Variants in TRAPPC4 observed in about 807,000 individuals in gnomAD.
The protein encoded by TRAPPC4 is trafficking protein particle complex subunit 4.
TRAPPC4 carries 30 observed loss-of-function variants against 23.5 expected under a neutral mutation model. That is an observed-to-expected ratio of 1.28 (90% confidence interval 0.96 to 1.73). TRAPPC4 has a LOEUF of 1.73. TRAPPC4 is among the 40% of genes most tolerant of loss of function. The pLI, the probability that TRAPPC4 is intolerant of heterozygous loss-of-function variation, is 0.00. For synonymous variants in TRAPPC4, 129 were observed against 105.3 expected, an observed-to-expected ratio of 1.23 and a Z score of -1.38; for missense variants, 252 against 268.9, an observed-to-expected ratio of 0.94 and a Z score of 0.44.
At position 119,019,189 on chromosome 11, in the gene TRAPPC4, G is replaced by A. The variant is rs782379570; in HGVS notation, c.222G>A (p.Arg74=). 18 of 1,614,114 alleles carry A rather than the reference G, an allele frequency of 1.1e-5. No homozygotes were observed. Among genetic ancestry groups the A allele is most frequent in the Non-Finnish European group, 1.5e-5 (18 of 1,180,050 alleles). The change falls in exon 2 of 5, where the codon AGG becomes AGA. Residue 74 remains arginine (R), a synonymous_variant. Coordinates refer to ENST00000533632, the MANE Select transcript of TRAPPC4 (RefSeq NM_016146.6). ...LAINGMDVNG[R]YTADGKEVLE... is the part of the protein sequence containing the mutation. ...TCAATGGCATGGACGTGAATGGCAG[G>A]TACACGGCCGACGGGAAAGAGGTGC...
At position 119,019,432 on chromosome 11, in the gene TRAPPC4, C is replaced by T. The variant is rs893000213; in HGVS notation, c.350+115C>T. On this transcript the variant is annotated intron_variant, in intron 2 of 4. Transcript: ENST00000533632. ...TCCAGATCTAGATTTTAGGTAATAA[C>T]GGCAGTGGTGTCATCTTTTTTTGCT... The T allele has an allele frequency of 6.9e-6, 8 of 1,160,354 alleles. No individual in the cohort carries two copies. In the Admixed American group the frequency reaches 7.3e-5, roughly 11 times the overall value. The allele number at this position is 1,160,354 out of a possible 1,614,324, so 71.9% of individuals were successfully genotyped here. A position where few individuals can be genotyped will look rare whatever the true frequency, so the allele number is the denominator to read the frequency against.
Sources: allele counts gnomAD v4.1 joint callset, GRCh38; gene constraint gnomAD v4.1.1; transcripts MANE v1.5; gene names NCBI Gene and HGNC (gene_info 2026-07-23, HGNC 2026-07-21).